KDSR: variants seen among roughly 807,000 people sequenced by gnomAD.
The protein encoded by KDSR is 3-ketodihydrosphingosine reductase, also known as 3-dehydrosphinganine reductase.
Under a neutral mutation model 41.3 loss-of-function variants are expected in KDSR, and 23 were observed. The observed-to-expected ratio is 0.56, with a 90% CI of 0.40 to 0.79. The LOEUF (loss-of-function observed/expected upper bound fraction) is 0.79. Ranked by LOEUF, KDSR falls within the 30% of genes least tolerant of loss-of-function variation. The pLI, the probability that KDSR is intolerant of heterozygous loss-of-function variation, is 0.00. For synonymous variants in KDSR, 138 were observed against 151.7 expected, an observed-to-expected ratio of 0.91 and a Z score of 0.66; for missense variants, 351 against 416.8, an observed-to-expected ratio of 0.84 and a Z score of 1.37.
intron 8 of KDSR, among the ~76,000 whole-genome samples, chr18:63,337,113 A>ACCATATAT (rs1555713254): frequency 6.3e-5 from 8 of 127,774 alleles, no homozygotes; most frequent in Non-Finnish European, 3.3e-5. Flanking sequence ...TATATATGTG[A>ACCATATAT]ATATATATAT....
At chr18:63,362,910 C>T in intron 1 of KDSR, 42 bp from the exon 2 acceptor site, 1 of 1,356,992 alleles carries the variant, frequency 7.4e-7, no homozygotes, top group South Asian at 1.2e-5. Context: ...TTGAAATCTC[C>T]CCTCTGTAGG....
chr18:63,357,472 TA>T (rs34264344), intron 3 of KDSR, among the ~76,000 whole-genome samples: 138 of 137,790 alleles, frequency 1.0e-3, no homozygotes, highest in Admixed American at 1.9e-3. Context: ...TACGCAGCAG[TA>T]AAAAAAAAAA....
At chr18:63,366,975 C>A (rs748553173) in intron 1 of KDSR, 36 bp downstream of exon 1, 1 of 1,166,116 alleles carries the variant, frequency 8.6e-7, no homozygotes, top group East Asian at 2.9e-5. Flanking sequence ...CCGCGCGGGC[C>A]GGTAAGTCGG....
chr18:63,359,220 A>G (rs1461494735), intron 3 of KDSR, among the ~76,000 whole-genome samples: 1 of 151,358 alleles, frequency 6.6e-6, no homozygotes, highest in African/African-American at 2.4e-5. Context: ...AAAAGAAAAG[A>G]AAAAGAAAGG....
chr18:63,333,928 C>G, intron 9 of KDSR, among the ~76,000 whole-genome samples: 1 of 152,188 alleles, frequency 6.6e-6, no homozygotes, highest in Non-Finnish European at 1.5e-5. Flanking sequence ...ACGTGAGGGA[C>G]AGAAGCAGGG....
At chr18:63,353,486 G>A (rs944763965) in intron 5 of KDSR, among the ~76,000 whole-genome samples, 2 of 152,142 alleles carry the variant, frequency 1.3e-5, no homozygotes, top group South Asian at 2.1e-4. Context: ...CCAGCTGCAA[G>A]AGTCTCTGGG....
rs1913865188 is a variant in KDSR at position 63,328,254 on chromosome 18, CA to C, written c.*3527del. ...ATTCTTTGAACCAAAGCAATATTAC[CA>C]AATGTTTTCATCACCTAAATACTAG... is the stretch of plus-strand genomic sequence containing the variant. On this transcript the variant is annotated 3_prime_UTR_variant, in exon 10 of 10. Transcript: ENST00000645214. The C allele has an allele frequency of 5.5e-6, 1 of 181,676 alleles. No homozygotes were observed. Among genetic ancestry groups the C allele is most frequent in the African/African-American group, 2.4e-5 (1 of 42,366 alleles). 11.3% of individuals were successfully genotyped at this position (181,676 alleles called of 1,614,324 possible).
At chr18:63,343,145 C>T (rs965657427) in intron 7 of KDSR, among the ~76,000 whole-genome samples, 5 of 152,156 alleles carry the variant, frequency 3.3e-5, no homozygotes, top group Admixed American at 1.3e-4. Context: ...CAATCTCAGG[C>T]ATTTATTTAT....
chr18:63,338,319 C>A (rs1300986820), intron 8 of KDSR, among the ~76,000 whole-genome samples: 4 of 152,160 alleles, frequency 2.6e-5, no homozygotes, highest in Non-Finnish European at 4.4e-5. Context: ...TACAAAACAG[C>A]ACATCATTTC....
chr18:63,341,094 A>G (rs966358282), intron 7 of KDSR, among the ~76,000 whole-genome samples: 2 of 151,688 alleles, frequency 1.3e-5, no homozygotes, highest in African/African-American at 4.9e-5. Flanking sequence ...GAGATTTACA[A>G]TTGGCATTTT....
intron 1 of KDSR, among the ~76,000 whole-genome samples, chr18:63,363,858 A>T (rs2144383954): frequency 6.6e-6 from 1 of 152,332 alleles, no homozygotes; most frequent in East Asian, 1.9e-4. Context: ...CCTAATATTC[A>T]CTGTTATACA....
At chr18:63,350,587 CT>C (rs1914634879) in intron 6 of KDSR, among the ~76,000 whole-genome samples, 1 of 152,184 alleles carries the variant, frequency 6.6e-6, no homozygotes, top group Non-Finnish European at 1.5e-5. Flanking sequence ...TCTGGTTAAC[CT>C]TACTCACATT....
chr18:63,361,209 CAAAAAAAA>C lies in KDSR; in HGVS notation c.199-1425_199-1418del, dbSNP rs71162630. On this transcript the variant is annotated intron_variant, in intron 2 of 9. Transcript: ENST00000645214. The stretch of plus-strand genomic sequence containing the variant: ...TGGGTTACAGAGCAAAACTCCGTCT[CAAAAAAAA>C]AAAAAAAAAAAAAAAAAAAAGAATG... 3.7e-3 allele frequency among the ~76,000 whole-genome samples: 57 copies of C among 15,516 alleles called. 2 individuals carry two copies. In the East Asian group the frequency reaches 0.1, roughly 28 times the overall value. 10.2% of individuals were successfully genotyped at this position (15,516 alleles called of 152,430 possible). A position where few individuals can be genotyped will look rare whatever the true frequency, so the allele number is the denominator to read the frequency against.
intron 7 of KDSR, among the ~76,000 whole-genome samples, chr18:63,342,289 C>T (rs1000561902): frequency 1.8e-4 from 28 of 151,872 alleles, no homozygotes; most frequent in African/African-American, 5.8e-4. Flanking sequence ...ATTATAGCTC[C>T]ACCAAAATGA....
chr18:63,353,410 A>C (rs1311810320), intron 5 of KDSR, among the ~76,000 whole-genome samples: 1 of 152,320 alleles, frequency 6.6e-6, no homozygotes, highest in Middle Eastern at 3.4e-3. Context: ...ACCACAAAAA[A>C]CTAAATGCTA....
chr18:63,349,318 G>C (rs571277229), intron 6 of KDSR, among the ~76,000 whole-genome samples: 23 of 152,088 alleles, frequency 1.5e-4, no homozygotes, highest in Admixed American at 4.6e-4. Context: ...AGGAGCTCAG[G>C]GCTGCAGTGA....
intron 6 of KDSR, chr18:63,346,094 GC>G (rs1447570706): frequency 6.6e-6 from 1 of 152,138 alleles, no homozygotes; most frequent in African/African-American, 2.4e-5. Context: ...GCACGCACAG[GC>G]CTGCAAGCAG....
chr18:63,330,706 G>A lies in KDSR; in HGVS notation c.*1076C>T, dbSNP rs2144342199. The A allele has an allele frequency of 4.3e-6, 1 of 230,436 alleles. No individual in the cohort carries two copies. The highest frequency in any genetic ancestry group is 8.6e-6 in the Non-Finnish European group (1 of 116,660). The allele number at this position is 230,436 out of a possible 1,614,324, so 14.3% of individuals were successfully genotyped here. A position where few individuals can be genotyped will look rare whatever the true frequency, so the allele number is the denominator to read the frequency against. On this transcript the variant is annotated 3_prime_UTR_variant, in exon 10 of 10. Coordinates refer to ENST00000645214, the MANE Select transcript of KDSR (RefSeq NM_002035.4). ...AGCCTTTCCTAAAAGCTACATATAT[G>A]CTCCGAGAAAAAGTCACACTTTTTA...
intron 5 of KDSR, among the ~76,000 whole-genome samples, chr18:63,352,585 G>A (rs1028923780): frequency 1.3e-5 from 2 of 152,128 alleles, no homozygotes; most frequent in Admixed American, 6.5e-5. Flanking sequence ...CAAAGTGTTG[G>A]GATTACAGGT....
Sources: gnomAD v4.1 joint callset for allele counts (sites outside exome capture counted in the v4.1 genomes callset) on GRCh38, gnomAD v4.1.1 for gene constraint, MANE v1.5 for transcripts, NCBI Gene and HGNC (gene_info 2026-07-23, HGNC 2026-07-21) for gene names.